Variants in TBC1D32 observed in about 807,000 individuals in gnomAD.
The protein encoded by TBC1D32 is protein broad-minded.
In TBC1D32, 151 loss-of-function variants were observed where a neutral mutation model predicts 170.3. The observed-to-expected ratio is 0.89, with a 90% CI of 0.78 to 1.01. The LOEUF (loss-of-function observed/expected upper bound fraction) is 1.01, where lower values mean the gene tolerates loss of function less well. Ranked by LOEUF, TBC1D32 falls within the 50% of genes least tolerant of loss-of-function variation. TBC1D32 has a pLI of 0.00. For synonymous variants in TBC1D32, 498 were observed against 488.0 expected (o/e 1.02, Z -0.27); for missense variants, 1,464 against 1,457.1 (o/e 1.00, Z -0.08).
intron 24 of TBC1D32, among the ~76,000 whole-genome samples, chr6:121,158,536 T>G (rs959220022): frequency 2.0e-5 from 3 of 152,168 alleles, no homozygotes; most frequent in African/African-American, 7.2e-5. Context: ...TAAGAACCAC[T>G]GCTGGGAAAC....
At chr6:121,151,104 G>A (rs1489300658) in intron 24 of TBC1D32, among the ~76,000 whole-genome samples, 9 of 151,928 alleles carry the variant, frequency 5.9e-5, no homozygotes, top group Admixed American at 2.0e-4. Flanking sequence ...TCAGGGTGTC[G>A]ATTTTAGGTC....
chr6:121,236,956 T>C (rs1796405051), intron 20 of TBC1D32: 1 of 152,094 alleles, frequency 6.6e-6, no homozygotes, highest in African/African-American at 2.4e-5. Context: ...ATAATAGGCT[T>C]CTATACTCAC....
At chr6:121,259,166 C>T (rs59569667) in intron 15 of TBC1D32, among the ~76,000 whole-genome samples, 5,542 of 151,834 alleles carry the variant, frequency 0.037, 277 homozygotes, top group African/African-American at 0.11. Flanking sequence ...AGCACGGTGG[C>T]GCACACCTAT....
At position 121,279,181 on chromosome 6, in the gene TBC1D32, G is replaced by C; in HGVS notation, c.1673C>G (p.Ser558Cys). The part of the protein sequence containing the change: ...HIAGILARIA[S>C]VEEGLILLLY... ...GAGTAAAATAAGCCCTTCTTCTACA[G>C]ATGCAATTCTTGCCAAAATACCAGC... The change falls in exon 15 of 32, where the codon TCT becomes TGT. Residue 558 changes from serine to cysteine, a missense_variant. This residue lies in a region of TBC1D32 where 1,363 missense variants were observed against 1,338.1 expected (regional missense o/e 1.02). Coordinates refer to ENST00000398212, the MANE Select transcript of TBC1D32 (RefSeq NM_152730.6). The C allele has an allele frequency of 6.2e-7, 1 of 1,611,990 alleles. No individual in the cohort carries two copies. The highest frequency in any genetic ancestry group is 8.5e-7 in the Non-Finnish European group (1 of 1,179,014).
intron 8 of TBC1D32, 48 bp from the exon 9 acceptor site, chr6:121,303,809 G>A (rs914143786): frequency 6.2e-6 from 8 of 1,280,284 alleles, no homozygotes; most frequent in East Asian, 5.1e-5. Flanking sequence ...TAGTTCTGGT[G>A]GTATACTTTA....
At position 121,242,253 on chromosome 6, in the gene TBC1D32, G is replaced by A. The variant is rs1377038144; in HGVS notation, c.2105C>T (p.Ala702Val). Residue 702 changes from alanine (A) to valine (V), a missense_variant, in exon 18 of 32, where the codon GCT becomes GTT. By Grantham distance (64) the Ala-to-Val change is moderately conservative. Around this residue, in one of 3 missense-constraint regions of TBC1D32, gnomAD observed 1,363 missense variants for 1,338.1 expected, o/e 1.02. Transcript: ENST00000398212. ...KGLLLLQRTG[A>V]INECVTFIFN... Reference sequence around the variant, plus strand: ...TATAAATGTCACACATTCATTGATAGCACCTGTTCTTTGAAGAAGTAGTAA... The same window carrying A: ...TATAAATGTCACACATTCATTGATAACACCTGTTCTTTGAAGAAGTAGTAA... 3.1e-6 allele frequency: 5 copies of A among 1,612,014 alleles called. No individual in the cohort carries two copies. Among genetic ancestry groups the A allele is most frequent in the Non-Finnish European group, 4.2e-6 (5 of 1,179,026 alleles).
chr6:121,309,652 T>G (rs886946919), intron 4 of TBC1D32, among the ~76,000 whole-genome samples: 21 of 152,188 alleles, frequency 1.4e-4, no homozygotes, highest in African/African-American at 5.1e-4. Flanking sequence ...ATGCTGACTT[T>G]CAAATGAAAT....
chr6:121,160,817 T>A, intron 23 of TBC1D32, 131 bp downstream of exon 23: 3 of 703,382 alleles, frequency 4.3e-6, no homozygotes, highest in Non-Finnish European at 7.5e-6. Flanking sequence ...ATCCTAAATA[T>A]TCTCAAGTAA....
At chr6:121,279,516 T>C (rs1391980864) in intron 14 of TBC1D32, among the ~76,000 whole-genome samples, 1 of 152,000 alleles carries the variant, frequency 6.6e-6, no homozygotes, top group African/African-American at 2.4e-5. Context: ...CAGTTTTATA[T>C]ATAATTCTGG....
intron 24 of TBC1D32, among the ~76,000 whole-genome samples, chr6:121,136,738 T>C (rs1354375735): frequency 6.6e-6 from 1 of 152,198 alleles, no homozygotes; most frequent in Admixed American, 6.5e-5. Context: ...GATCTGTGTA[T>C]GAATATTTCT....
At chr6:121,258,080 A>T (rs1471774917) in intron 15 of TBC1D32, among the ~76,000 whole-genome samples, 1 of 136,378 alleles carries the variant, frequency 7.3e-6, no homozygotes, top group Non-Finnish European at 1.6e-5. Context: ...ATGAAGATTT[A>T]GGTTTCTTAT....
rs1238617995 is a variant in TBC1D32, at chr6:121,256,403, A to T, written c.1734-118T>A. ...AGTCCTCCTCTAACTTTTCTCAGAC[A>T]TGTCAATATTCACGTTCCCACCCAT... On this transcript the variant is annotated intron_variant, in intron 15 of 31. Transcript: ENST00000398212. The T allele has an allele frequency of 6.3e-6, 5 of 790,104 alleles. No homozygotes were observed. In the Admixed American group the frequency reaches 1.1e-4, roughly 18 times the overall value. 48.9% of individuals were successfully genotyped at this position (790,104 alleles called of 1,614,324 possible). A position where few individuals can be genotyped will look rare whatever the true frequency, so the allele number is the denominator to read the frequency against.
rs139569552 is a variant in TBC1D32 at position 121,170,504 on chromosome 6, T to A, written c.2571-9448A>T. The A allele has an allele frequency of 8.4e-4, 1,343 of 1,594,948 alleles. 6 individuals carry two copies. The African/African-American group carries it at 0.016, about 19-fold the overall frequency. On this transcript the variant is annotated intron_variant, in intron 22 of 31. Coordinates refer to ENST00000398212, the MANE Select transcript of TBC1D32 (RefSeq NM_152730.6). ...CTCTAACAGGAGAAGAGTGTCCAGA[T>A]CACAGCATATCACACTTAATAACCT...
intron 26 of TBC1D32, among the ~76,000 whole-genome samples, chr6:121,125,565 G>T (rs916065782): frequency 5.3e-5 from 8 of 151,922 alleles, no homozygotes; most frequent in Non-Finnish European, 8.8e-5. Flanking sequence ...GCAACGGGGG[G>T]GTCAGAGCTG....
intron 15 of TBC1D32, among the ~76,000 whole-genome samples, chr6:121,259,527 A>C (rs754151442): frequency 6.6e-6 from 1 of 152,194 alleles, no homozygotes; most frequent in Admixed American, 6.5e-5. Flanking sequence ...GACTGAACAT[A>C]TACATTCACT....
rs1779591268 is a variant in TBC1D32 at position 121,115,368 on chromosome 6, TTTATTCTTTTA to T, written c.2984-138_2984-128del. 6.7e-6 allele frequency: 4 copies of T among 594,446 alleles called. No homozygotes were observed. The Admixed American group carries it at 1.5e-4, about 22-fold the overall frequency. 36.8% of individuals were successfully genotyped at this position (594,446 alleles called of 1,614,324 possible). ...TGTGAATTTTGAAAACACTGATGAA[TTTATTCTTTTA>T]GGAACTGTCAGTTACATTTTCAAAG... On this transcript the variant is annotated intron_variant, in intron 26 of 31. Coordinates refer to ENST00000398212, the MANE Select transcript of TBC1D32 (RefSeq NM_152730.6).
chr6:121,171,956 A>G (rs929970887), intron 22 of TBC1D32, among the ~76,000 whole-genome samples: 6 of 152,116 alleles, frequency 3.9e-5, no homozygotes, highest in East Asian at 1.9e-4. Context: ...AAATAACCCA[A>G]AAGCATGGAG....
intron 15 of TBC1D32, among the ~76,000 whole-genome samples, chr6:121,264,938 C>A (rs1338137012): frequency 1.3e-5 from 2 of 152,128 alleles, no homozygotes; most frequent in Non-Finnish European, 1.5e-5. Context: ...CTATTTATGA[C>A]AAACTTACAG....
At chr6:121,328,933 G>A (rs898197115) in intron 1 of TBC1D32, among the ~76,000 whole-genome samples, 4 of 152,070 alleles carry the variant, frequency 2.6e-5, no homozygotes, top group Non-Finnish European at 2.9e-5. Context: ...CCAAATGAAT[G>A]CAAAATATCT....
Sources: gnomAD v4.1 joint callset for allele counts (sites outside exome capture counted in the v4.1 genomes callset) on GRCh38, gnomAD v4.1.1 for gene constraint, gnomAD v4.1.1 regional missense constraint, MANE v1.5 for transcripts, NCBI Gene and HGNC (gene_info 2026-07-23, HGNC 2026-07-21) for gene names.